NUP58: variants seen among roughly 807,000 people sequenced by gnomAD.
NUP58 encodes nucleoporin p58/p45.
In NUP58, 17 loss-of-function variants were observed where a neutral mutation model predicts 70.1. That is an observed-to-expected ratio of 0.24 (90% CI 0.17 to 0.36). The LOEUF is 0.36. Ranked by LOEUF, NUP58 falls within the 10% of genes least tolerant of loss-of-function variation. The pLI, the probability that NUP58 is intolerant of heterozygous loss-of-function variation, is 1.00. For synonymous variants in NUP58, 275 were observed against 257.6 expected, an observed-to-expected ratio of 1.07 and a Z score of -0.65; for missense variants, 644 against 701.5, an observed-to-expected ratio of 0.92 and a Z score of 0.93.
chr13:25,303,084 C>T, intron 1 of NUP58: 1 of 456,520 alleles, frequency 2.2e-6, no homozygotes, highest in Non-Finnish European at 4.4e-6. Flanking sequence ...TTTTAACCAG[C>T]TGTCTTTCTT....
chr13:25,326,648 C>A (rs1166219051), intron 10 of NUP58, among the ~76,000 whole-genome samples: 1 of 152,058 alleles, frequency 6.6e-6, no homozygotes, highest in African/African-American at 2.4e-5. Context: ...AAAATTGTTA[C>A]AATATTATTA....
chr13:25,313,374 A>C (rs1414450654), intron 4 of NUP58, among the ~76,000 whole-genome samples: 3 of 152,186 alleles, frequency 2.0e-5, no homozygotes, highest in Non-Finnish European at 4.4e-5. Context: ...CAATATTGCT[A>C]TCTAGAATCA....
At chr13:25,321,893 G>A (rs1047495787) in intron 9 of NUP58, among the ~76,000 whole-genome samples, 1 of 151,972 alleles carries the variant, frequency 6.6e-6, no homozygotes, top group South Asian at 2.1e-4. Context: ...CTCCAGCCTG[G>A]GCAACAAGAG....
rs755071814 is a variant in NUP58 at position 25,321,039 on chromosome 13, T to C, written c.897T>C (p.Asn299=). 7 of 1,600,810 alleles carry C rather than the reference T, an allele frequency of 4.4e-6. No homozygotes were observed. Among genetic ancestry groups the C allele is most frequent in the South Asian group, 3.4e-5 (3 of 88,138 alleles). ...AGCAGCTCCTGTCGTTGGCTGCCAA[T>C]GGAATACAGAGAAACACTCTCAACA... is the stretch of plus-strand genomic sequence containing the variant. The part of the protein sequence containing the change: ...ALKQLLSLAA[N]GIQRNTLNID... Residue 299 remains asparagine, a synonymous_variant, in exon 9 of 16, where the codon AAT becomes AAC. Transcript: ENST00000381736.
intron 13 of NUP58, 123 bp downstream of exon 13, chr13:25,331,681 A>G (rs1011224802): frequency 6.1e-6 from 9 of 1,471,660 alleles, no homozygotes; most frequent in African/African-American, 4.3e-5. Flanking sequence ...TTCCAATACA[A>G]TCTAAAATTG....
intron 1 of NUP58, among the ~76,000 whole-genome samples, chr13:25,302,109 C>A (rs992250496): frequency 1.3e-5 from 2 of 152,268 alleles, no homozygotes; most frequent in Non-Finnish European, 2.9e-5. Context: ...GTGAGGTTTC[C>A]AGAATCCACG....
At chr13:25,343,843 GCACACACACACATACATACA>G (rs2032014739), downstream of NUP58, among the ~76,000 whole-genome samples, 2 of 139,552 alleles carry the variant, frequency 1.4e-5, no homozygotes, top group Middle Eastern at 3.7e-3. Flanking sequence ...ATATATATAC[GCACACACACACATACATACA>G]CACACACACC....
chr13:25,347,703 C>T (rs956310324), intron 3 of NUP58, among the ~76,000 whole-genome samples: 1 of 152,154 alleles, frequency 6.6e-6, no homozygotes, highest in African/African-American at 2.4e-5. Context: ...GAGTCTACTC[C>T]ATATACAGCT....
In NUP58 at chr13:25,301,976, C is replaced by T. The variant is rs2030033196; in HGVS notation, c.107+96C>T. The T allele has an allele frequency of 6.2e-6, 5 of 802,502 alleles. No homozygotes were observed. In the Middle Eastern group the frequency reaches 6.9e-4, roughly 111 times the overall value. 49.7% of individuals were successfully genotyped at this position (802,502 alleles called of 1,614,324 possible). A position where few individuals can be genotyped will look rare whatever the true frequency, so the allele number is the denominator to read the frequency against. ...TCCCCATCCTGTCTCTTCCCTCTGG[C>T]TTCCTTCCCAGTGGGGCTGGAGAGA... On this transcript the variant is annotated intron_variant, in intron 1 of 15. Coordinates refer to ENST00000381736, the MANE Select transcript of NUP58 (RefSeq NM_014089.4).
At position 25,336,317 on chromosome 13, in the gene NUP58, A is replaced by G. The variant is rs752128705; in HGVS notation, c.1436-619A>G. 2.6e-6 allele frequency: 3 copies of G among 1,160,468 alleles called. No homozygotes were observed. The South Asian group carries it at 3.7e-5, about 14-fold the overall frequency. 71.9% of individuals were successfully genotyped at this position (1,160,468 alleles called of 1,614,324 possible). On this transcript the variant is annotated intron_variant, in intron 13 of 15. Transcript: ENST00000381736. ...TTACTGTGTAATTGATTTGCTTTAC[A>G]ATGAACAATAAATTTAATAAAATAA...
chr13:25,313,806 T>A lies in NUP58; in HGVS notation c.574+55T>A, dbSNP rs1455331627. On this transcript the variant is annotated intron_variant, in intron 5 of 15. Transcript: ENST00000381736. ...GTAAATATTTATATTTAAATGTACT[T>A]ATTTTTATTTTAGTACTTTGAGCAG... 2.2e-6 allele frequency: 3 copies of A among 1,366,848 alleles called. No individual in the cohort carries two copies. In the African/African-American group the frequency reaches 4.7e-5, roughly 21 times the overall value. 84.7% of individuals were successfully genotyped at this position (1,366,848 alleles called of 1,614,324 possible). A position where few individuals can be genotyped will look rare whatever the true frequency, so the allele number is the denominator to read the frequency against.
intron 9 of NUP58, among the ~76,000 whole-genome samples, chr13:25,321,715 G>A (rs574530539): frequency 6.6e-6 from 1 of 152,202 alleles, no homozygotes; most frequent in African/African-American, 2.4e-5. Context: ...TCAGGAGTTC[G>A]AGACCAGTCT....
chr13:25,302,965 A>C (rs575116179), intron 1 of NUP58: 3 of 456,754 alleles, frequency 6.6e-6, no homozygotes, highest in African/African-American at 6.0e-5. Flanking sequence ...TTCGTGGAAC[A>C]AATATTTATT....
intron 6 of NUP58, 54 bp downstream of exon 6, chr13:25,315,521 T>G: frequency 7.8e-7 from 1 of 1,283,672 alleles, no homozygotes; most frequent in Non-Finnish European, 1.1e-6. Flanking sequence ...AGGGAATGTC[T>G]AGGTTGCTCA....
rs371774112 is a variant in NUP58, at chr13:25,305,141, T to TGTTTG, written c.108-2665_108-2664insGTTTG. 2.2e-4 allele frequency among the ~76,000 whole-genome samples: 26 copies of TGTTTG among 118,766 alleles called. 2 individuals carry two copies. The highest frequency in any genetic ancestry group is 3.7e-4 in the African/African-American group (9 of 24,644). The allele number at this position is 118,766 out of a possible 152,430, so 77.9% of individuals were successfully genotyped here. A position where few individuals can be genotyped will look rare whatever the true frequency, so the allele number is the denominator to read the frequency against. ...TAAAGATCTGTGGGGTTTTTTTTTT[T>TGTTTG]TTTTTTTTTTTTTTTTTTTTGAGAC... On this transcript the variant is annotated intron_variant, in intron 1 of 15. Transcript: ENST00000381736.
At chr13:25,325,241 C>T (rs1271046048) in intron 10 of NUP58, among the ~76,000 whole-genome samples, 173 bp downstream of exon 10, 1 of 152,168 alleles carries the variant, frequency 6.6e-6, no homozygotes, top group African/African-American at 2.4e-5. Context: ...TCTCCATTAA[C>T]ACCATTTGAC....
rs757428457 is a variant in NUP58, at chr13:25,331,575, G to T, written c.1435+17G>T. The T allele has an allele frequency of 1.8e-5, 29 of 1,611,354 alleles. No homozygotes were observed. The highest frequency in any genetic ancestry group is 2.3e-5 in the Non-Finnish European group (27 of 1,178,548). ...CTGCTACAGGTCTGAACGCATTCAAGTTATAGCTTCTTACTGTTCCAATGC... is the reference window on the plus strand; with the variant it reads ...CTGCTACAGGTCTGAACGCATTCAATTTATAGCTTCTTACTGTTCCAATGC... On this transcript the variant is annotated intron_variant, in intron 13 of 15. Coordinates refer to ENST00000381736, the MANE Select transcript of NUP58 (RefSeq NM_014089.4).
chr13:25,346,169 T>G (rs2032047129), downstream of NUP58, among the ~76,000 whole-genome samples: 1 of 152,206 alleles, frequency 6.6e-6, no homozygotes, highest in East Asian at 1.9e-4. Flanking sequence ...ACTCAATAGC[T>G]AACAGTGCTA....
rs1288028879 is a variant in NUP58, at chr13:25,341,277, T to C, written c.*1143T>C. 1 of 152,648 alleles carries C rather than the reference T, an allele frequency of 6.6e-6. No individual in the cohort carries two copies. The highest frequency in any genetic ancestry group is 1.5e-5 in the Non-Finnish European group (1 of 68,032). The allele number at this position is 152,648 out of a possible 1,614,324, so 9.5% of individuals were successfully genotyped here. On this transcript the variant is annotated 3_prime_UTR_variant, in exon 16 of 16. Transcript: ENST00000381736. ...GTGTCCTTACATTGCTTCTGTGAGATGTTTTTTTCTTATCTGAGATGAACT... is the reference window on the plus strand; with the variant it reads ...GTGTCCTTACATTGCTTCTGTGAGACGTTTTTTTCTTATCTGAGATGAACT...
Sources: allele counts gnomAD v4.1 joint callset (sites outside exome capture counted in the v4.1 genomes callset), GRCh38; gene constraint gnomAD v4.1.1; transcripts MANE v1.5; gene names NCBI Gene and HGNC (gene_info 2026-07-23, HGNC 2026-07-21).